The following DMD variants were observed in gnomAD, a reference collection of about 807,000 sequenced individuals.
The protein encoded by DMD is dystrophin.
A neutral mutation model predicts 330.1 loss-of-function variants in DMD; 63 were observed. The ratio of observed to expected loss-of-function variants is 0.19; its 90% CI spans 0.16 to 0.24. DMD has a LOEUF of 0.24. Among genes scored for constraint, DMD ranks in the 10% least tolerant of loss-of-function variants. The pLI is 1.00. For synonymous variants in DMD, 1,223 were observed against 959.8 expected, an observed-to-expected ratio of 1.27 and a Z score of -5.07; for missense variants, 3,344 against 2,684.1, an observed-to-expected ratio of 1.25 and a Z score of -5.43.
At chrX:32,656,094 G>A (rs1362233809) in intron 9 of DMD, among the ~76,000 whole-genome samples, 1 of 111,821 alleles carries the variant, frequency 8.9e-6, no homozygotes, top group Admixed American at 9.5e-5. Context: ...GGGACAATTT[G>A]GCTATCTAGA....
At chrX:31,623,147 T>C (rs2078649836) in intron 55 of DMD, among the ~76,000 whole-genome samples, 1 of 111,099 alleles carries the variant, frequency 9.0e-6, no homozygotes, top group Non-Finnish European at 1.9e-5. Flanking sequence ...AGAAATACGA[T>C]ACTCCAATTT....
intron 44 of DMD, among the ~76,000 whole-genome samples, chrX:32,111,578 T>G (rs1296793028): frequency 1.8e-5 from 2 of 111,843 alleles, no homozygotes; most frequent in Non-Finnish European, 3.8e-5. Flanking sequence ...TTAATCAAAC[T>G]TCAGTTATCT....
At chrX:31,836,600 G>A (rs2093203412) in intron 49 of DMD, 118 bp downstream of exon 49, 2 of 610,139 alleles carry the variant, frequency 3.3e-6, no homozygotes, top group African/African-American at 4.4e-5. Context: ...AGTATGGCCA[G>A]TATTTCCTTA....
At chrX:31,653,697 C>T (rs1052282745) in intron 54 of DMD, among the ~76,000 whole-genome samples, 1 of 111,678 alleles carries the variant, frequency 9.0e-6, no homozygotes, top group African/African-American at 3.2e-5. Context: ...TCCTTAGAGG[C>T]TTCTCACAAT....
rs748819370 is a variant in DMD, at chrX:31,120,970, C to CTT, written c.*947_*948dup. ...CCCTTTAAAAAAATCCAATACTTTA[C>CTT]TTTACTTTCGTTGTCAGTGGAAAGT... is the stretch of plus-strand genomic sequence containing the variant. On this transcript the variant is annotated 3_prime_UTR_variant, in exon 79 of 79. Coordinates refer to ENST00000357033, the MANE Select transcript of DMD (RefSeq NM_004006.3). 3 of 111,329 alleles carry CTT rather than the reference C, an allele frequency of 2.7e-5. No individual in the cohort carries two copies. Among genetic ancestry groups the CTT allele is most frequent in the East Asian group, 2.8e-4 (1 of 3,560 alleles). 9.2% of individuals were successfully genotyped at this position (111,329 alleles called of 1,213,427 possible).
At chrX:32,402,995 G>A (rs762739210) in intron 30 of DMD, among the ~76,000 whole-genome samples, 3 of 111,748 alleles carry the variant, frequency 2.7e-5, no homozygotes, top group East Asian at 2.8e-4. Context: ...CTAAACCTCA[G>A]TGGAATTCAA....
At chrX:33,207,605 C>G (rs980824587) in intron 1 of DMD, among the ~76,000 whole-genome samples, 1 of 110,695 alleles carries the variant, frequency 9.0e-6, no homozygotes, top group Non-Finnish European at 1.9e-5. Context: ...AGAAAAAACC[C>G]TCCAAACTTG....
intron 11 of DMD, among the ~76,000 whole-genome samples, chrX:32,642,784 A>C (rs778684293): frequency 1.4e-3 from 157 of 111,635 alleles, no homozygotes; most frequent in African/African-American, 4.2e-3. Flanking sequence ...GAGTGTAAGA[A>C]AAATGAGAGC....
Position 32,464,635 on chromosome X carries a change from G to A in DMD, c.3227C>T (p.Pro1076Leu). Residue 1076 changes from proline (P) to leucine (L), a missense_variant, in exon 24 of 79, where the codon CCT becomes CTT. Pro to Leu is a moderately conservative substitution (Grantham distance 98). Transcript: ENST00000357033. ...TAGAATTTCTGAATCCCCAAGGGCA[G>A]GCCATTCCTCCTTCAGAAAAACATC... ...EVDVFLKEEW[P>L]ALGDSEILKK... 3 of 1,210,824 alleles carry A rather than the reference G, an allele frequency of 2.5e-6. No individual in the cohort carries two copies. Among genetic ancestry groups the A allele is most frequent in the Non-Finnish European group, 3.4e-6 (3 of 894,752 alleles).
chrX:32,866,750 G>A (rs201256613), intron 2 of DMD, among the ~76,000 whole-genome samples: 2 of 88,171 alleles, frequency 2.3e-5, no homozygotes, highest in Admixed American at 2.4e-4. Context: ...GGTGGGGGGG[G>A]GGGGACAGAG....
intron 2 of DMD, among the ~76,000 whole-genome samples, chrX:32,922,060 G>A (rs2088471701): frequency 9.0e-6 from 1 of 110,792 alleles, no homozygotes; most frequent in South Asian, 3.9e-4. Context: ...TTTGGTAAAT[G>A]CATCACCAAG....
intron 55 of DMD, among the ~76,000 whole-genome samples, chrX:31,522,294 G>A (rs986023907): frequency 9.9e-6 from 1 of 100,982 alleles, no homozygotes; most frequent in Non-Finnish European, 2.0e-5. Flanking sequence ...GACCCATGGC[G>A]GGAAGAGAGA....
chrX:31,895,067 G>GA (rs939459788), intron 47 of DMD, among the ~76,000 whole-genome samples: 9 of 110,444 alleles, frequency 8.1e-5, no homozygotes, highest in South Asian at 3.8e-4. Context: ...TATTCTGGAA[G>GA]AAAAAAAATG....
chrX:32,933,111 G>T (rs2089726678), intron 2 of DMD, among the ~76,000 whole-genome samples: 1 of 111,183 alleles, frequency 9.0e-6, no homozygotes, highest in Admixed American at 9.6e-5. Context: ...GAAAGAAATG[G>T]GAAAATATTT....
intron 21 of DMD, among the ~76,000 whole-genome samples, chrX:32,481,882 G>A (rs1449516504): frequency 9.0e-6 from 1 of 111,683 alleles, no homozygotes; most frequent in East Asian, 2.8e-4. Context: ...GCATATACCA[G>A]GTGTTCAAAA....
intron 30 of DMD, among the ~76,000 whole-genome samples, chrX:32,403,782 C>T (rs1002999698): frequency 1.1e-4 from 12 of 112,154 alleles, no homozygotes; most frequent in Admixed American, 6.7e-4. Flanking sequence ...AAAAAGTCTA[C>T]ATCTATGGCT....
At chrX:33,028,503 A>G (rs2094044473) in intron 1 of DMD, among the ~76,000 whole-genome samples, 1 of 112,110 alleles carries the variant, frequency 8.9e-6, no homozygotes. Flanking sequence ...GCAGTCACCC[A>G]TATCCCAAAC....
intron 16 of DMD, among the ~76,000 whole-genome samples, chrX:32,553,891 G>C (rs2049872696): frequency 9.0e-6 from 1 of 111,527 alleles, no homozygotes; most frequent in Non-Finnish European, 1.9e-5. Flanking sequence ...TTGAAAGTGT[G>C]TGGCAACCCT....
At chrX:32,616,702 TTTTTTTTTTTTTTC>T (rs1031814869) in intron 11 of DMD, among the ~76,000 whole-genome samples, 18 of 86,379 alleles carry the variant, frequency 2.1e-4, no homozygotes, top group African/African-American at 1.1e-3. Flanking sequence ...TTTTTTTTTT[TTTTTTTTTTTTTTC>T]TTTAAAGAAT....
Sources: allele counts gnomAD v4.1 joint callset (sites outside exome capture counted in the v4.1 genomes callset), GRCh38; gene constraint gnomAD v4.1.1; transcripts MANE v1.5; gene names NCBI Gene and HGNC (gene_info 2026-07-23, HGNC 2026-07-21).